SETBP1: variants seen among roughly 807,000 people sequenced by gnomAD.
The protein encoded by SETBP1 is SET-binding protein.
SETBP1 carries 9 observed loss-of-function variants against 101.0 expected under a neutral mutation model. The ratio of observed to expected loss-of-function variants is 0.09; its 90% CI spans 0.05 to 0.16. The LOEUF (loss-of-function observed/expected upper bound fraction) is 0.16, where lower values mean the gene tolerates loss of function less well. Among genes scored for constraint, SETBP1 ranks in the 10% least tolerant of loss-of-function variants. The pLI is 1.00. For synonymous variants in SETBP1, 818 were observed against 788.5 expected, an observed-to-expected ratio of 1.04 and a Z score of -0.63; for missense variants, 1,858 against 2,033.8, an observed-to-expected ratio of 0.91 and a Z score of 1.66.
intron 3 of SETBP1, among the ~76,000 whole-genome samples, chr18:44,924,495 C>A (rs1437323917): frequency 6.6e-6 from 1 of 151,794 alleles, no homozygotes; most frequent in Non-Finnish European, 1.5e-5. Context: ...CTGTGTATAC[C>A]CTTTATCATA....
chr18:44,995,644 C>G (rs1177414537), intron 4 of SETBP1, among the ~76,000 whole-genome samples: 1 of 150,634 alleles, frequency 6.6e-6, no homozygotes, highest in Non-Finnish European at 1.5e-5. Flanking sequence ...TCGTAAAGAA[C>G]AGAAATTTAT....
chr18:44,844,838 G>A (rs2072693106), intron 2 of SETBP1, among the ~76,000 whole-genome samples: 1 of 152,132 alleles, frequency 6.6e-6, no homozygotes, highest in African/African-American at 2.4e-5. Context: ...GCACACACAA[G>A]CTTCCTGCAC....
intron 2 of SETBP1, among the ~76,000 whole-genome samples, chr18:44,834,096 A>G (rs901185999): frequency 2.6e-5 from 4 of 152,220 alleles, no homozygotes; most frequent in East Asian, 1.9e-4. Flanking sequence ...AGGAATTTGT[A>G]GAAACTCAGG....
chr18:45,057,928 C>T (rs541214116), intron 5 of SETBP1, among the ~76,000 whole-genome samples: 19 of 152,318 alleles, frequency 1.2e-4, no homozygotes, highest in African/African-American at 4.3e-4. Flanking sequence ...AAAAGCAGTG[C>T]TAAGTCCATT....
At chr18:45,016,305 C>A (rs1454194843) in intron 4 of SETBP1, among the ~76,000 whole-genome samples, 2 of 152,116 alleles carry the variant, frequency 1.3e-5, no homozygotes, top group Non-Finnish European at 2.9e-5. Context: ...GCAGGGCGGG[C>A]TAAGCCAGGG....
At chr18:44,714,610 GTA>G (rs1030898795) in intron 2 of SETBP1, among the ~76,000 whole-genome samples, 2 of 151,812 alleles carry the variant, frequency 1.3e-5, no homozygotes, top group Admixed American at 6.6e-5. Flanking sequence ...CGGGGTGTGT[GTA>G]TGTGTGTGTG....
At chr18:44,992,870 TG>T (rs2072408960) in intron 4 of SETBP1, among the ~76,000 whole-genome samples, 1 of 151,968 alleles carries the variant, frequency 6.6e-6, no homozygotes, top group African/African-American at 2.4e-5. Context: ...GAAATAATAG[TG>T]GGCCAAGTGT....
At chr18:45,038,979 G>A (rs551571727) in intron 5 of SETBP1, among the ~76,000 whole-genome samples, 6 of 152,136 alleles carry the variant, frequency 3.9e-5, no homozygotes, top group African/African-American at 1.4e-4. Flanking sequence ...TGCATCAAGG[G>A]CCTTATATAT....
chr18:44,927,569 A>G (rs1480739203), intron 3 of SETBP1, among the ~76,000 whole-genome samples: 1 of 152,244 alleles, frequency 6.6e-6, no homozygotes, highest in African/African-American at 2.4e-5. Context: ...CCAGGAAGGC[A>G]GAGAAGATTG....
chr18:44,855,396 C>A (rs867961185), intron 2 of SETBP1, among the ~76,000 whole-genome samples: 3 of 152,138 alleles, frequency 2.0e-5, no homozygotes, highest in South Asian at 2.1e-4. Context: ...CACATGAACT[C>A]CGTGCAAAAG....
At chr18:44,910,711 A>G (rs2144879182) in intron 3 of SETBP1, among the ~76,000 whole-genome samples, 1 of 152,086 alleles carries the variant, frequency 6.6e-6, no homozygotes, top group South Asian at 2.1e-4. Context: ...GGTTTTATCT[A>G]TTTTACTTTG....
chr18:44,728,686 G>A (rs2069767857), intron 2 of SETBP1, among the ~76,000 whole-genome samples: 1 of 152,226 alleles, frequency 6.6e-6, no homozygotes, highest in Admixed American at 6.5e-5. Context: ...ATTGGGGGCA[G>A]GGAGAGAAAG....
At chr18:44,895,461 T>C (rs1318309420) in intron 3 of SETBP1, among the ~76,000 whole-genome samples, 1 of 152,120 alleles carries the variant, frequency 6.6e-6, no homozygotes, top group African/African-American at 2.4e-5. Context: ...TGTCCTCAAA[T>C]ATAATTGTGT....
chr18:45,064,577 A>T lies in SETBP1; in HGVS notation c.*879A>T, dbSNP rs1464034345. ...CAGTATTGATAAAACCTTTTTAATA[A>T]GTGATGCAGAGCAGCCAAGGATATG... On this transcript the variant is annotated 3_prime_UTR_variant, in exon 6 of 6. Transcript: ENST00000649279. The T allele has an allele frequency of 1.3e-5, 2 of 152,152 alleles. No individual in the cohort carries two copies. Among genetic ancestry groups the T allele is most frequent in the Non-Finnish European group, 2.9e-5 (2 of 68,022 alleles). 9.4% of individuals were successfully genotyped at this position (152,152 alleles called of 1,614,324 possible). A position where few individuals can be genotyped will look rare whatever the true frequency, so the allele number is the denominator to read the frequency against.
chr18:44,980,476 T>C (rs1470038231), intron 4 of SETBP1, among the ~76,000 whole-genome samples: 1 of 151,100 alleles, frequency 6.6e-6, no homozygotes, highest in East Asian at 1.9e-4. Context: ...TCGCACATTC[T>C]TCTGCTTTAA....
intron 2 of SETBP1, among the ~76,000 whole-genome samples, chr18:44,834,367 G>A (rs1005820436): frequency 6.6e-6 from 1 of 152,154 alleles, no homozygotes. Flanking sequence ...ATGGCACCTG[G>A]GAATGTATGG....
intron 2 of SETBP1, among the ~76,000 whole-genome samples, chr18:44,793,919 A>C (rs1035746642): frequency 6.6e-6 from 1 of 152,184 alleles, no homozygotes; most frequent in African/African-American, 2.4e-5. Flanking sequence ...TTTTTAGTTC[A>C]TGATATACTT....
At chr18:45,037,881 A>T (rs1332773643) in intron 4 of SETBP1, among the ~76,000 whole-genome samples, 1 of 151,520 alleles carries the variant, frequency 6.6e-6, no homozygotes, top group East Asian at 1.9e-4. Context: ...GATCATGTTT[A>T]CTCCCCACCC....
intron 4 of SETBP1, among the ~76,000 whole-genome samples, chr18:44,995,679 A>G (rs569004122): frequency 2.0e-4 from 30 of 152,232 alleles, no homozygotes; most frequent in African/African-American, 7.0e-4. Flanking sequence ...GAGGCTGGGA[A>G]GTCCAAAATC....
Sources: allele counts gnomAD v4.1 joint callset (sites outside exome capture counted in the v4.1 genomes callset), GRCh38; gene constraint gnomAD v4.1.1; transcripts MANE v1.5; gene names NCBI Gene and HGNC (gene_info 2026-07-23, HGNC 2026-07-21).